LRFN5: variants seen among roughly 807,000 people sequenced by gnomAD.
The protein encoded by LRFN5 is leucine-rich repeat and fibronectin type-III domain-containing protein 5.
A neutral mutation model predicts 45.6 loss-of-function variants in LRFN5; 24 were observed. That is an observed-to-expected ratio of 0.53 (90% CI 0.38 to 0.74). The LOEUF is 0.74. Ranked by LOEUF, LRFN5 falls within the 30% of genes least tolerant of loss-of-function variation. The pLI is 0.00. For synonymous variants in LRFN5, 340 were observed against 313.8 expected (o/e 1.08, Z -0.88); for missense variants, 776 against 861.5 (o/e 0.90, Z 1.24).
chr14:41,729,900 C>T (rs906663371), intron 1 of LRFN5, among the ~76,000 whole-genome samples: 4 of 151,668 alleles, frequency 2.6e-5, no homozygotes, highest in Admixed American at 6.6e-5. Context: ...TTTAAGAAAG[C>T]AACACTTTGT....
intron 1 of LRFN5, among the ~76,000 whole-genome samples, chr14:41,698,778 C>G (rs958862356): frequency 2.6e-5 from 4 of 151,852 alleles, no homozygotes; most frequent in Admixed American, 2.6e-4. Context: ...TATGCTCTTT[C>G]AGTTCTAAAA....
Position 41,904,383 on chromosome 14 carries a change from T to C in LRFN5, c.*208T>C. On this transcript the variant is annotated 3_prime_UTR_variant, in exon 6 of 6. Coordinates refer to ENST00000298119, the MANE Select transcript of LRFN5 (RefSeq NM_152447.5). ...TCATCCTCTTTTAAAACCAAATTTT[T>C]TTTTCTTCTGGCCTACAAGTATTTT... The C allele has an allele frequency of 2.0e-6, 1 of 495,040 alleles. No individual in the cohort carries two copies. 30.7% of individuals were successfully genotyped at this position (495,040 alleles called of 1,614,324 possible).
intron 1 of LRFN5, among the ~76,000 whole-genome samples, chr14:41,754,193 G>A (rs374395833): frequency 2.0e-5 from 3 of 152,060 alleles, no homozygotes; most frequent in Non-Finnish European, 4.4e-5. Flanking sequence ...TTTTTGCATC[G>A]ATGTTCATCG....
At chr14:41,892,171 T>A (rs1890809073) in intron 4 of LRFN5, 1 of 985,258 alleles carries the variant, frequency 1.0e-6, no homozygotes, top group African/African-American at 1.7e-5. Flanking sequence ...TCTGAGGGAC[T>A]ACTGGAAAGC....
intron 1 of LRFN5, among the ~76,000 whole-genome samples, chr14:41,695,486 C>T (rs373811970): frequency 1.3e-5 from 2 of 151,950 alleles, no homozygotes; most frequent in East Asian, 3.9e-4. Context: ...CAATGCTGGC[C>T]TTCAGTTTTT....
intron 4 of LRFN5, among the ~76,000 whole-genome samples, chr14:41,897,924 A>G (rs1411429133): frequency 6.6e-6 from 1 of 152,240 alleles, no homozygotes; most frequent in Admixed American, 6.5e-5. Context: ...TTTCTGCTCT[A>G]GAATATGTCT....
intron 1 of LRFN5, among the ~76,000 whole-genome samples, chr14:41,644,399 T>A (rs1879716930): frequency 6.6e-6 from 1 of 152,246 alleles, no homozygotes; most frequent in Admixed American, 6.5e-5. Flanking sequence ...TTTCACTAAC[T>A]GTTTAAATCT....
intron 1 of LRFN5, among the ~76,000 whole-genome samples, chr14:41,680,118 C>A (rs1166160053): frequency 6.6e-6 from 1 of 152,090 alleles, no homozygotes; most frequent in Admixed American, 6.5e-5. Flanking sequence ...ATAGGTAGAT[C>A]CCTAAGGTTT....
chr14:41,695,407 A>C (rs953619250), intron 1 of LRFN5, among the ~76,000 whole-genome samples: 1 of 151,992 alleles, frequency 6.6e-6, no homozygotes, highest in African/African-American at 2.4e-5. Flanking sequence ...CAGATTTTCA[A>C]TATAGACAAA....
chr14:41,674,062 G>C (rs1321440101), intron 1 of LRFN5, among the ~76,000 whole-genome samples: 1 of 149,672 alleles, frequency 6.7e-6, no homozygotes, highest in Non-Finnish European at 1.5e-5. Context: ...GGGGCGGCTG[G>C]CTGGGCGGGG....
intron 1 of LRFN5, among the ~76,000 whole-genome samples, chr14:41,635,193 A>G (rs74045180): frequency 0.025 from 3,740 of 152,250 alleles, 143 homozygotes; most frequent in African/African-American, 0.085. Context: ...AATACGTTGT[A>G]TTTTGTTAAG....
chr14:41,662,155 A>G (rs1880685481), intron 1 of LRFN5, among the ~76,000 whole-genome samples: 1 of 152,096 alleles, frequency 6.6e-6, no homozygotes, highest in African/African-American at 2.4e-5. Context: ...CTCTGAGAAC[A>G]TGAAATTTCA....
At chr14:41,652,383 A>G in intron 1 of LRFN5, among the ~76,000 whole-genome samples, 1 of 152,256 alleles carries the variant, frequency 6.6e-6, no homozygotes, top group East Asian at 1.9e-4. Context: ...TCAGTTAACA[A>G]ATAATTGTAG....
chr14:41,690,079 A>C (rs1049453927), intron 1 of LRFN5, among the ~76,000 whole-genome samples: 1 of 152,124 alleles, frequency 6.6e-6, no homozygotes, highest in Admixed American at 6.6e-5. Context: ...CAAGTAAATA[A>C]ATTTTAAACT....
intron 1 of LRFN5, among the ~76,000 whole-genome samples, chr14:41,754,712 A>G (rs1388504785): frequency 3.3e-5 from 5 of 151,958 alleles, no homozygotes; most frequent in African/African-American, 1.2e-4. Context: ...TTTTCAAAAA[A>G]CCGGCTCCTG....
chr14:41,775,271 T>C (rs1886246711), intron 2 of LRFN5, among the ~76,000 whole-genome samples: 1 of 151,932 alleles, frequency 6.6e-6, no homozygotes, highest in African/African-American at 2.4e-5. Flanking sequence ...TTTGTGTTTT[T>C]AGTAGAGGCG....
chr14:41,682,321 C>G (rs1360381716), intron 1 of LRFN5, among the ~76,000 whole-genome samples: 3 of 151,654 alleles, frequency 2.0e-5, no homozygotes. Flanking sequence ...AAGATACAAA[C>G]AAACAACAAA....
At chr14:41,612,946 T>TG (rs139014389) in intron 1 of LRFN5, among the ~76,000 whole-genome samples, 6,869 of 152,138 alleles carry the variant, frequency 0.045, 517 homozygotes, top group African/African-American at 0.16. Flanking sequence ...GATACTGTGT[T>TG]GACAAAATGA....
chr14:41,729,104 G>C (rs1884058270), intron 1 of LRFN5, among the ~76,000 whole-genome samples: 1 of 152,138 alleles, frequency 6.6e-6, no homozygotes, highest in Non-Finnish European at 1.5e-5. Context: ...GATGTGGTTT[G>C]AACATTTGTC....
Sources: allele counts gnomAD v4.1 joint callset (sites outside exome capture counted in the v4.1 genomes callset), GRCh38; gene constraint gnomAD v4.1.1; transcripts MANE v1.5; gene names NCBI Gene and HGNC (gene_info 2026-07-23, HGNC 2026-07-21).